The following IFT56 variants were observed in gnomAD, a reference collection of about 807,000 sequenced individuals.
IFT56 encodes the protein intraflagellar transport protein 56.
chr7:139,171,718 C>T, the IFT56 span, among the ~76,000 whole-genome samples: 1 of 152,148 alleles, frequency 6.6e-6, no homozygotes, highest in Non-Finnish European at 1.5e-5. Context: ...AAATCTAAGA[C>T]CTTAAATAAG....
At chr7:139,159,095 C>T in the IFT56 span, among the ~76,000 whole-genome samples, 13 of 152,156 alleles carry the variant, frequency 8.5e-5, no homozygotes, top group African/African-American at 3.1e-4. Context: ...GGATTTGGTG[C>T]AAAGGTTATC....
the IFT56 span, among the ~76,000 whole-genome samples, chr7:139,183,819 C>T: frequency 3.9e-5 from 6 of 152,136 alleles, no homozygotes; most frequent in South Asian, 4.2e-4. Flanking sequence ...GTTAATAACA[C>T]AAATTTTAAT....
At chr7:139,141,357 G>C in the IFT56 span, among the ~76,000 whole-genome samples, 1 of 151,944 alleles carries the variant, frequency 6.6e-6, no homozygotes, top group Admixed American at 6.6e-5. Context: ...TCAAACTCCT[G>C]GGTTCAAGCC....
the IFT56 span, among the ~76,000 whole-genome samples, chr7:139,161,520 A>G: frequency 1.6e-4 from 24 of 152,328 alleles, no homozygotes; most frequent in Middle Eastern, 3.4e-3. Context: ...TTATGATTCT[A>G]TTGACCAATA....
the IFT56 span, among the ~76,000 whole-genome samples, chr7:139,165,494 C>CTTTCTT: frequency 4.6e-5 from 7 of 151,960 alleles, no homozygotes; most frequent in East Asian, 1.4e-3. Context: ...TCTATCCATT[C>CTTTCTT]TTTCTTTTTC....
chr7:139,147,033 G>C, the IFT56 span: 1 of 1,550,114 alleles, frequency 6.5e-7, no homozygotes, highest in Non-Finnish European at 8.7e-7. Flanking sequence ...GAAGAAGAGA[G>C]AGACACAATG....
the IFT56 span, among the ~76,000 whole-genome samples, chr7:139,158,229 G>A: frequency 4.7e-5 from 7 of 149,138 alleles, no homozygotes; most frequent in African/African-American, 1.0e-4. Flanking sequence ...CAGGAGAATC[G>A]CTTGAACCTG....
the IFT56 span, among the ~76,000 whole-genome samples, chr7:139,159,526 T>C: frequency 9.3e-4 from 141 of 152,332 alleles, 1 homozygote; most frequent in African/African-American, 3.3e-3. Flanking sequence ...CTGCTGATTG[T>C]GGGAAGGGTC....
chr7:139,141,254 C>A, the IFT56 span, among the ~76,000 whole-genome samples: 2 of 122,042 alleles, frequency 1.6e-5, no homozygotes, highest in Admixed American at 1.6e-4. Flanking sequence ...GAACAAGACT[C>A]TGAAAAAAAA....
the IFT56 span, among the ~76,000 whole-genome samples, chr7:139,141,717 G>A: frequency 6.6e-6 from 1 of 152,180 alleles, no homozygotes; most frequent in Admixed American, 6.5e-5. Context: ...CTTAAAAGCT[G>A]TTAACATTTT....
chr7:139,157,939 T>G, the IFT56 span, among the ~76,000 whole-genome samples: 90 of 152,220 alleles, frequency 5.9e-4, no homozygotes, highest in Non-Finnish European at 8.5e-4. Context: ...CACCAAGTGA[T>G]TGCAGTGGGG....
chr7:139,173,180 T>C, the IFT56 span: 1 of 603,732 alleles, frequency 1.7e-6, no homozygotes, highest in Admixed American at 2.6e-5. Context: ...GTATTAGTGT[T>C]TATGGCACTT....
the IFT56 span, chr7:139,168,350 A>G: frequency 6.2e-7 from 1 of 1,603,476 alleles, no homozygotes; most frequent in Non-Finnish European, 8.5e-7. Context: ...CTAGGAGTAT[A>G]TTCTCAAAGG....
the IFT56 span, among the ~76,000 whole-genome samples, chr7:139,148,747 C>G: frequency 6.6e-6 from 1 of 150,712 alleles, no homozygotes. Context: ...CAACATGGCC[C>G]CATCTCTACT....
the IFT56 span, chr7:139,174,355 G>T: frequency 7.8e-6 from 4 of 512,736 alleles, no homozygotes; most frequent in Non-Finnish European, 1.6e-5. Flanking sequence ...AGAAAGTGTA[G>T]TCCAGAGGCC....
the IFT56 span, among the ~76,000 whole-genome samples, chr7:139,186,128 A>C: frequency 1.3e-5 from 2 of 150,698 alleles, no homozygotes; most frequent in African/African-American, 5.0e-5. Flanking sequence ...TATGATTGCC[A>C]AGTAAGAAAA....
chr7:139,188,437 C>T, the IFT56 span, among the ~76,000 whole-genome samples: 26 of 152,194 alleles, frequency 1.7e-4, no homozygotes, highest in East Asian at 5.0e-3. Context: ...AAACACAACT[C>T]GATTCCATTT....
the IFT56 span, chr7:139,169,369 T>C: frequency 6.2e-7 from 1 of 1,611,804 alleles, no homozygotes; most frequent in Non-Finnish European, 8.5e-7. Flanking sequence ...CTGAAATCTG[T>C]ACTTATGATC....
the IFT56 span, chr7:139,146,908 TA>T: frequency 1.7e-6 from 2 of 1,160,380 alleles, no homozygotes; most frequent in East Asian, 5.9e-5. Flanking sequence ...CAAATAGTAT[TA>T]ACTGTAACCT....
Sources: allele counts gnomAD v4.1 joint callset (sites outside exome capture counted in the v4.1 genomes callset), GRCh38; gene constraint gnomAD v4.1.1; transcripts MANE v1.5; gene names NCBI Gene and HGNC (gene_info 2026-07-23, HGNC 2026-07-21).